SCOC: variants seen among roughly 807,000 people sequenced by gnomAD.
SCOC encodes short coiled-coil protein, also known as short coiled coil protein.
Under a neutral mutation model 9.9 loss-of-function variants are expected in SCOC, and 7 were observed. That is an observed-to-expected ratio of 0.71 (90% CI 0.40 to 1.33). The LOEUF (loss-of-function observed/expected upper bound fraction) is 1.33. Among genes scored for constraint, SCOC ranks in the 40% most tolerant of loss-of-function variants. The probability of loss-of-function intolerance (pLI) is 0.01; values close to 1 mark genes in which losing one functional copy is unlikely to be tolerated. For synonymous variants in SCOC, 19 were observed against 28.2 expected (o/e 0.67, Z 1.03); for missense variants, 66 against 89.7 (o/e 0.74, Z 1.07).
At chr4:140,373,885 G>A in intron 1 of SCOC, 168 bp downstream of exon 1, 1 of 763,524 alleles carries the variant, frequency 1.3e-6, no homozygotes, top group Non-Finnish European at 2.3e-6. Flanking sequence ...CGGAGGCCTG[G>A]CTCCCGGCAG....
upstream of SCOC, among the ~76,000 whole-genome samples, chr4:140,343,080 T>C (rs989060687): frequency 1.3e-5 from 2 of 152,226 alleles, no homozygotes; most frequent in African/African-American, 2.4e-5. Flanking sequence ...TATATGTACA[T>C]GTATGAATCT....
At chr4:140,331,499 G>A (rs1028556379) in intron 1 of SCOC, among the ~76,000 whole-genome samples, 2 of 152,084 alleles carry the variant, frequency 1.3e-5, no homozygotes, top group African/African-American at 4.8e-5. Context: ...TCTTACATGG[G>A]ATCATCCCTC....
At chr4:140,292,912 A>G (rs1199034679) in intron 1 of SCOC, among the ~76,000 whole-genome samples, 1 of 152,174 alleles carries the variant, frequency 6.6e-6, no homozygotes, top group Admixed American at 6.5e-5. Context: ...TTGAAACTTT[A>G]ATTATCAAAT....
intron 1 of SCOC, among the ~76,000 whole-genome samples, chr4:140,264,611 A>G (rs1353639499): frequency 6.6e-6 from 1 of 152,198 alleles, no homozygotes; most frequent in African/African-American, 2.4e-5. Context: ...TTACAAGGAT[A>G]GGGATACTAC....
intron 1 of SCOC, among the ~76,000 whole-genome samples, chr4:140,273,646 A>G (rs994661416): frequency 5.3e-5 from 5 of 95,212 alleles, no homozygotes; most frequent in African/African-American, 1.2e-4. Flanking sequence ...TGCTCTGGTG[A>G]AAAAAAAAAA....
upstream of SCOC, chr4:140,369,296 T>C (rs1173520015): frequency 6.8e-6 from 3 of 444,320 alleles, no homozygotes; most frequent in Non-Finnish European, 1.3e-5. Context: ...AAATAGGTTA[T>C]ATTCTTTACT....
intron 1 of SCOC, among the ~76,000 whole-genome samples, chr4:140,261,768 G>T (rs1269612377): frequency 6.6e-6 from 1 of 152,192 alleles, no homozygotes; most frequent in Non-Finnish European, 1.5e-5. Flanking sequence ...AGAGGGATAA[G>T]GAGTGAGGAG....
At chr4:140,318,372 C>T (rs1732393664) in intron 1 of SCOC, among the ~76,000 whole-genome samples, 1 of 115,784 alleles carries the variant, frequency 8.6e-6, no homozygotes, top group Non-Finnish European at 1.7e-5. Flanking sequence ...TGAACTCAAA[C>T]AAATTTACAA....
At chr4:140,372,099 G>T (rs531228116), upstream of SCOC, among the ~76,000 whole-genome samples, 2 of 152,338 alleles carry the variant, frequency 1.3e-5, no homozygotes, top group African/African-American at 4.8e-5. Flanking sequence ...ATTACTGCCA[G>T]AGGATGAGGG....
intron 1 of SCOC, among the ~76,000 whole-genome samples, chr4:140,263,743 A>G (rs1374290684): frequency 6.6e-6 from 1 of 152,142 alleles, no homozygotes; most frequent in East Asian, 1.9e-4. Context: ...TAGGTCAGCA[A>G]CCCATGGGTG....
At chr4:140,272,515 T>C (rs933486261) in intron 1 of SCOC, among the ~76,000 whole-genome samples, 1 of 152,174 alleles carries the variant, frequency 6.6e-6, no homozygotes, top group African/African-American at 2.4e-5. Context: ...TTGTTATCAG[T>C]TAATAACAGA....
chr4:140,276,787 C>T (rs2126410045), intron 1 of SCOC, among the ~76,000 whole-genome samples: 1 of 152,122 alleles, frequency 6.6e-6, no homozygotes, highest in African/African-American at 2.4e-5. Flanking sequence ...AAAAAAAAAC[C>T]ATGTCTGGGA....
At chr4:140,357,202 G>A (rs1727269227) in intron 2 of SCOC, among the ~76,000 whole-genome samples, 1 of 152,082 alleles carries the variant, frequency 6.6e-6, no homozygotes, top group Non-Finnish European at 1.5e-5. Context: ...TCGAACTCCT[G>A]ACCTCAAGTG....
chr4:140,364,996 C>T (rs895655529), intron 2 of SCOC, among the ~76,000 whole-genome samples: 5 of 152,064 alleles, frequency 3.3e-5, no homozygotes, highest in African/African-American at 1.2e-4. Flanking sequence ...AGCATCATGA[C>T]AGTCTGGAAT....
upstream of SCOC, among the ~76,000 whole-genome samples, chr4:140,340,896 A>T (rs1365221562): frequency 5.4e-5 from 8 of 149,018 alleles, no homozygotes; most frequent in Non-Finnish European, 3.0e-5. Flanking sequence ...GGTTCAAGCA[A>T]TTCTCCTGCC....
At chr4:140,373,057 G>A (rs73855786), upstream of SCOC, among the ~76,000 whole-genome samples, 2,764 of 152,324 alleles carry the variant, frequency 0.018, 92 homozygotes, top group African/African-American at 0.063. Context: ...ACGCACTACA[G>A]ATTTAATAAT....
At chr4:140,294,844 T>C (rs1441991066) in intron 1 of SCOC, among the ~76,000 whole-genome samples, 2 of 152,238 alleles carry the variant, frequency 1.3e-5, no homozygotes, top group African/African-American at 4.8e-5. Context: ...CAGCTAAAAG[T>C]AGCTACTTGT....
At chr4:140,296,637 G>A (rs986778303) in intron 1 of SCOC, among the ~76,000 whole-genome samples, 1 of 152,140 alleles carries the variant, frequency 6.6e-6, no homozygotes, top group African/African-American at 2.4e-5. Flanking sequence ...GGGTGAACGA[G>A]GTATGCAGGC....
At chr4:140,337,018 A>T (rs1732976127) in intron 1 of SCOC, among the ~76,000 whole-genome samples, 1 of 152,140 alleles carries the variant, frequency 6.6e-6, no homozygotes, top group African/African-American at 2.4e-5. Flanking sequence ...TCATGTGCTT[A>T]TTGACCATTT....
Sources: gnomAD v4.1 joint callset for allele counts (sites outside exome capture counted in the v4.1 genomes callset) on GRCh38, gnomAD v4.1.1 for gene constraint, MANE v1.5 for transcripts, NCBI Gene and HGNC (gene_info 2026-07-23, HGNC 2026-07-21) for gene names.